RNF31: variants seen among roughly 807,000 people sequenced by gnomAD.
The protein encoded by RNF31 is ring finger protein 31, also known as E3 ubiquitin-protein ligase RNF31.
In RNF31, 38 loss-of-function variants were observed where a neutral mutation model predicts 133.6. The observed-to-expected ratio is 0.28, with a 90% confidence interval of 0.22 to 0.37. The LOEUF is 0.37. Among genes scored for constraint, RNF31 ranks in the 10% least tolerant of loss-of-function variants. The probability of loss-of-function intolerance (pLI) is 1.00; values close to 1 mark genes in which losing one functional copy is unlikely to be tolerated. For synonymous variants in RNF31, 582 were observed against 552.3 expected, an observed-to-expected ratio of 1.05 and a Z score of -0.75; for missense variants, 1,118 against 1,394.1, an observed-to-expected ratio of 0.80 and a Z score of 3.15.
In RNF31 at chr14:24,157,313, G is replaced by C; in HGVS notation, c.2517G>C (p.Arg839=). The part of the protein sequence containing the change: ...KRQWEEQHRG[R]SCEDFQNWKR... ...AGTGGGAGGAGCAGCACCGAGGTCGGAGCTGTGAGGACTTCCAGAACTGGA... is the reference window on the plus strand; with the variant it reads ...AGTGGGAGGAGCAGCACCGAGGTCGCAGCTGTGAGGACTTCCAGAACTGGA... Residue 839 remains arginine, a synonymous_variant, in exon 15 of 21, where the codon CGG becomes CGC. Transcript: ENST00000324103. 1.9e-6 allele frequency: 3 copies of C among 1,611,126 alleles called. No homozygotes were observed. The highest frequency in any genetic ancestry group is 1.1e-5 in the South Asian group (1 of 90,936).
chr14:24,146,892 G>A (rs540753212), upstream of RNF31: 2 of 495,914 alleles, frequency 4.0e-6, no homozygotes, highest in East Asian at 3.7e-5. Flanking sequence ...GGGCCAACTG[G>A]AAGTCCAGGG....
intron 18 of RNF31, among the ~76,000 whole-genome samples, chr14:24,159,608 A>G (rs1450408469): frequency 6.9e-6 from 1 of 145,502 alleles, no homozygotes; most frequent in Non-Finnish European, 1.5e-5. Context: ...AAAAAAAAAC[A>G]CTATCTCAAG....
In RNF31 at chr14:24,157,976, G is replaced by C. The variant is rs2038371796; in HGVS notation, c.2806G>C (p.Asp936His). The C allele has an allele frequency of 6.2e-7, 1 of 1,614,056 alleles. No individual in the cohort carries two copies. Residue 936 changes from aspartate to histidine, a missense_variant, in exon 17 of 21, where the codon GAC becomes CAC. This residue lies in a region of RNF31 where 170 missense variants were observed against 194.5 expected (regional missense o/e 0.87). Transcript: ENST00000324103. Reference protein sequence around the residue: ...HPRDCLFYLRDWTALRLQKLL... With the variant: ...HPRDCLFYLRHWTALRLQKLL... ...TCGAGACTGCCTCTTCTACCTGCGG[G>C]ACTGGACTGCTCTCCGGCTTCAGAA... is the stretch of plus-strand genomic sequence containing the variant.
Position 24,148,300 on chromosome 14 carries a change from C to G in RNF31, c.382C>G (p.Gln128Glu), listed in dbSNP as rs1024509843. 3.1e-6 allele frequency: 5 copies of G among 1,614,090 alleles called. No individual in the cohort carries two copies. The African/African-American group carries it at 4.0e-5, about 13-fold the overall frequency. Reference sequence around the variant, plus strand: ...GCGATTATATGGCTACACAGAGGAGCAACCAGATGGGTTGAGCTTCCCCGA... The same window carrying G: ...GCGATTATATGGCTACACAGAGGAGGAACCAGATGGGTTGAGCTTCCCCGA... Reference protein sequence around the residue: ...VLRLYGYTEEQPDGLSFPEGQ... With the variant: ...VLRLYGYTEEEPDGLSFPEGQ... Residue 128 changes from glutamine to glutamate, a missense_variant, in exon 3 of 21, where the codon CAA (glutamine) becomes GAA (glutamate). Gln to Glu is a conservative substitution (Grantham distance 29). Around this residue, in one of 3 missense-constraint regions of RNF31, gnomAD observed 747 missense variants for 827.9 expected, o/e 0.90. Coordinates refer to ENST00000324103, the MANE Select transcript of RNF31 (RefSeq NM_017999.5).
chr14:24,153,280 T>TA (rs1486895333), intron 11 of RNF31, among the ~76,000 whole-genome samples: 1 of 151,174 alleles, frequency 6.6e-6, no homozygotes, highest in Non-Finnish European at 1.5e-5. Context: ...CTCCCATCTC[T>TA]AAAAAAATAA....
Position 24,151,496 on chromosome 14 carries a change from C to T in RNF31, c.1749C>T (p.Leu583=). Residue 583 remains leucine, a synonymous_variant, in exon 10 of 21, where the codon CTC becomes CTT. Transcript: ENST00000324103. This position sits in a 1 kb window ranked among gnomAD's most constrained non-coding sequence, Gnocchi z 5.3. The part of the protein sequence containing the change: ...VRTRRRKVQE[L]QSLGFGPEEG... ...CTCCCATCTTGCAGGTGCAGGAGCT[C>T]CAGTCTCTAGGCTTTGGGCCTGAGG... 1.9e-6 allele frequency: 3 copies of T among 1,614,194 alleles called. No individual in the cohort carries two copies. The highest frequency in any genetic ancestry group is 2.5e-6 in the Non-Finnish European group (3 of 1,180,018).
At chr14:24,152,045 C>T (rs2038274929) in intron 11 of RNF31, 53 bp downstream of exon 11, 2 of 1,510,954 alleles carry the variant, frequency 1.3e-6, no homozygotes, top group Non-Finnish European at 1.8e-6. Flanking sequence ...TCTTTTGGAC[C>T]CCCATCCTAC....
chr14:24,154,818 C>T (rs1267965057), intron 11 of RNF31: 1 of 350,710 alleles, frequency 2.9e-6, no homozygotes, highest in Non-Finnish European at 5.3e-6. Flanking sequence ...TAGTTATACC[C>T]TTCTGCCCCC....
At chr14:24,158,055 C>G in intron 17 of RNF31, 44 bp downstream of exon 17, 16 of 1,611,294 alleles carry the variant, frequency 9.9e-6, no homozygotes, top group African/African-American at 6.7e-5. Context: ...CCAGGGTGGG[C>G]AAGAATGGAA....
intron 14 of RNF31, among the ~76,000 whole-genome samples, chr14:24,156,141 GTGT>G (rs1433080641): frequency 3.3e-5 from 5 of 152,270 alleles, no homozygotes; most frequent in Admixed American, 6.5e-5. Flanking sequence ...TCAGAAAAAA[GTGT>G]TGTATGGCTG....
At position 24,147,771 on chromosome 14, in the gene RNF31, TC is replaced by T; in HGVS notation, c.75del (p.Gln27ArgfsTer12). ...GCTGGCGAGCGCCCTGAGGAGGGAT[TC>T]CGGGCAGGCGTTTTCCCTGGAGCAG... is the stretch of plus-strand genomic sequence containing the variant. Reference protein sequence around the residue: ...EELASALRRDSGQAFSLEQLR... With the variant: ...EELASALRRDXGQAFSLEQLR... On this transcript the variant is annotated frameshift_variant, in exon 1 of 21. Coordinates refer to ENST00000324103, the MANE Select transcript of RNF31 (RefSeq NM_017999.5). LOFTEE classifies it high-confidence loss of function. The T allele has an allele frequency of 6.3e-7, 1 of 1,578,470 alleles. No homozygotes were observed. Among genetic ancestry groups the T allele is most frequent in the Non-Finnish European group, 8.6e-7 (1 of 1,165,298 alleles).
intron 18 of RNF31, chr14:24,158,491 T>C (rs1055006334): frequency 2.7e-5 from 13 of 475,080 alleles, no homozygotes; most frequent in African/African-American, 2.1e-4. Context: ...TCAATGAGTG[T>C]TTAATGAGAA....
rs1253413229 is a variant in RNF31, at chr14:24,147,667, G to GT, written c.-32_-31insT. The GT allele has an allele frequency of 2.4e-5, 33 of 1,381,460 alleles. No individual in the cohort carries two copies. The highest frequency in any genetic ancestry group is 3.0e-5 in the Non-Finnish European group (32 of 1,075,312). 85.6% of individuals were successfully genotyped at this position (1,381,460 alleles called of 1,614,324 possible). ...CGCTGCCCGCGCCGGGTCCTGGCGG[G>GT]CGGCGAGGCTGGGGCTGACTCCTGC... On this transcript the variant is annotated 5_prime_UTR_variant, in exon 1 of 21. Coordinates refer to ENST00000324103, the MANE Select transcript of RNF31 (RefSeq NM_017999.5).
chr14:24,154,554 A>T (rs1443664604), intron 11 of RNF31, among the ~76,000 whole-genome samples: 1 of 152,242 alleles, frequency 6.6e-6, no homozygotes. Context: ...CTGGGATTAC[A>T]GGTGTGAGCC....
rs773396791 is a variant in RNF31, at chr14:24,151,520, G to A, written c.1773G>A (p.Glu591=). The A allele has an allele frequency of 2.5e-6, 4 of 1,614,114 alleles. No homozygotes were observed. The highest frequency in any genetic ancestry group is 1.3e-5 in the African/African-American group (1 of 74,930). ...QELQSLGFGP[E]EGSLQALFQH... ...TCCAGTCTCTAGGCTTTGGGCCTGA[G>A]GAGGGGTCTCTCCAGGCATTGTTCC... The change falls in exon 10 of 21, where the codon GAG becomes GAA. Residue 591 remains glutamate, a synonymous_variant. Transcript: ENST00000324103. This position sits in a 1 kb window ranked among gnomAD's most constrained non-coding sequence, Gnocchi z 5.3.
Position 24,151,742 on chromosome 14 carries a change from G to A in RNF31, c.1924-44G>A, listed in dbSNP as rs370448601. 6.1e-5 allele frequency: 98 copies of A among 1,600,262 alleles called. 2 individuals are homozygous for A. In the Middle Eastern group the frequency reaches 3.0e-3, roughly 49 times the overall value. On this transcript the variant is annotated intron_variant, in intron 10 of 20. Transcript: ENST00000324103. The surrounding 1 kb of genome is among the most constrained non-coding windows in gnomAD (Gnocchi z 5.3). ...GAGGGAGCTGAGGGGAAGGGTCCCTGGAGTCTGACAGCACTTCCCCCCTCC... is the reference window on the plus strand; with the variant it reads ...GAGGGAGCTGAGGGGAAGGGTCCCTAGAGTCTGACAGCACTTCCCCCCTCC...
Position 24,148,407 on chromosome 14 carries a change from A to T in RNF31, c.489A>T (p.Leu163=), listed in dbSNP as rs773851158. The T allele has an allele frequency of 6.2e-7, 1 of 1,613,700 alleles. No homozygotes were observed. The highest frequency in any genetic ancestry group is 2.2e-5 in the East Asian group (1 of 44,880). Residue 163 remains leucine, a synonymous_variant, in exon 3 of 21, where the codon CTA becomes CTT. Coordinates refer to ENST00000324103, the MANE Select transcript of RNF31 (RefSeq NM_017999.5). Reference sequence around the variant, plus strand: ...TGCTTCGGACAGAGCTCAGCCTGCTATTGCAGGTGAGATGCTCCTCTAGTC... The same window carrying T: ...TGCTTCGGACAGAGCTCAGCCTGCTTTTGCAGGTGAGATGCTCCTCTAGTC... The part of the protein sequence containing the change: ...VLLLRTELSL[L]LQNTHPRQQA...
At position 24,151,187 on chromosome 14, in the gene RNF31, G is replaced by A. The variant is rs368285865; in HGVS notation, c.1545G>A (p.Ser515=). ...PEEIFSALQY[S]GTEVPLQWLR... is the part of the protein sequence containing the mutation. Reference sequence around the variant, plus strand: ...AGATCTTCTCGGCTCTGCAGTACTCGGGCACTGAGGTGCCTCTGCAGTGGT... The same window carrying A: ...AGATCTTCTCGGCTCTGCAGTACTCAGGCACTGAGGTGCCTCTGCAGTGGT... Residue 515 remains serine (S), a synonymous_variant, in exon 9 of 21, where the codon TCG becomes TCA. Transcript: ENST00000324103. The surrounding 1 kb of genome is among the most constrained non-coding windows in gnomAD (Gnocchi z 5.3). 1,137 of 1,614,136 alleles carry A rather than the reference G, an allele frequency of 7.0e-4. 5 individuals are homozygous for A. Among genetic ancestry groups the A allele is most frequent in the South Asian group, 1.1e-3 (101 of 91,078 alleles).
At chr14:24,154,085 TC>T (rs2038307338) in intron 11 of RNF31, among the ~76,000 whole-genome samples, 1 of 151,960 alleles carries the variant, frequency 6.6e-6, no homozygotes, top group Admixed American at 6.6e-5. Flanking sequence ...AACCTCTGCC[TC>T]CCGGTTCAAG....
Sources: gnomAD v4.1 joint callset for allele counts (sites outside exome capture counted in the v4.1 genomes callset) on GRCh38, gnomAD v4.1.1 for gene constraint, gnomAD v4.1.1 regional missense constraint, Gnocchi (gnomAD v3.1) non-coding constraint, MANE v1.5 for transcripts, NCBI Gene and HGNC (gene_info 2026-07-23, HGNC 2026-07-21) for gene names.